The following SPTLC2 variants were observed in gnomAD, a reference collection of about 807,000 sequenced individuals.
SPTLC2 encodes the protein serine palmitoyltransferase long chain base subunit 2, also known as serine palmitoyltransferase 2.
SPTLC2 carries 21 observed loss-of-function variants against 62.0 expected under a neutral mutation model. That is an observed-to-expected ratio of 0.34 (90% CI 0.24 to 0.49). SPTLC2 has a LOEUF of 0.49. SPTLC2 is among the 20% of genes least tolerant of loss of function. SPTLC2 has a pLI of 0.99. For missense variants in SPTLC2, 511 were observed against 713.0 expected (o/e 0.72, Z 3.23); for synonymous variants, 261 against 261.8 (o/e 1.00, Z 0.03).
chr14:77,607,110 T>C (rs1179416304), intron 1 of SPTLC2, among the ~76,000 whole-genome samples: 1 of 152,100 alleles, frequency 6.6e-6, no homozygotes, highest in East Asian at 1.9e-4. Context: ...TGGATGTAAA[T>C]ATAAAAGGAA....
intron 4 of SPTLC2, among the ~76,000 whole-genome samples, chr14:77,575,752 C>G (rs757856871): frequency 1.3e-5 from 2 of 152,178 alleles, no homozygotes; most frequent in Non-Finnish European, 2.9e-5. Flanking sequence ...AGACTGGTCT[C>G]GAACTCCTGG....
chr14:77,531,463 TCCTCCTCCTCCCCCTCCC>T (rs2079439088), intron 9 of SPTLC2, among the ~76,000 whole-genome samples: 1 of 121,194 alleles, frequency 8.3e-6, no homozygotes, highest in African/African-American at 3.6e-5. Context: ...CTCCTCCTCC[TCCTCCTCCTCCCCCTCCC>T]CCTCCTCCTC....
intron 1 of SPTLC2, 81 bp from the exon 2 acceptor site, chr14:77,597,461 G>A: frequency 4.5e-6 from 6 of 1,336,992 alleles, no homozygotes; most frequent in Non-Finnish European, 4.2e-6. Context: ...TTAGAGATTT[G>A]CTGAATTATA....
intron 2 of SPTLC2, among the ~76,000 whole-genome samples, chr14:77,586,474 A>T (rs972905938): frequency 6.6e-6 from 1 of 152,226 alleles, no homozygotes; most frequent in Non-Finnish European, 1.5e-5. Flanking sequence ...TCGAACAAGT[A>T]CTTGTATGTG....
At chr14:77,598,251 G>A (rs1483257823) in intron 1 of SPTLC2, among the ~76,000 whole-genome samples, 1 of 152,036 alleles carries the variant, frequency 6.6e-6, no homozygotes, top group Non-Finnish European at 1.5e-5. Flanking sequence ...TAAAAGAAGG[G>A]GAGCAAGAAG....
chr14:77,588,731 T>C (rs1188569214), intron 2 of SPTLC2, among the ~76,000 whole-genome samples: 2 of 149,688 alleles, frequency 1.3e-5, no homozygotes, highest in Admixed American at 1.3e-4. Context: ...CCAGGCACAG[T>C]GGCTCATGCC....
rs937176632 is a variant in SPTLC2, at chr14:77,507,534, G to C, written c.*4750C>G. 26 of 152,182 alleles carry C rather than the reference G, an allele frequency of 1.7e-4. No individual in the cohort carries two copies. Among genetic ancestry groups the C allele is most frequent in the African/African-American group, 6.0e-4 (25 of 41,428 alleles). The allele number at this position is 152,182 out of a possible 1,614,324, so 9.4% of individuals were successfully genotyped here. On this transcript the variant is annotated 3_prime_UTR_variant, in exon 12 of 12. Transcript: ENST00000216484. ...TTTAGTAGAGATGAGGTTTCGCCAT[G>C]TTGGCCAGACTGTTCTCGAACTCCT...
At chr14:77,567,402 A>G (rs2079651420) in intron 5 of SPTLC2, among the ~76,000 whole-genome samples, 1 of 152,256 alleles carries the variant, frequency 6.6e-6, no homozygotes, top group Admixed American at 6.5e-5. Flanking sequence ...ATTCTAACAA[A>G]TAAGAATCTC....
chr14:77,541,795 G>C (rs2079502090), intron 9 of SPTLC2, among the ~76,000 whole-genome samples: 1 of 152,190 alleles, frequency 6.6e-6, no homozygotes, highest in African/African-American at 2.4e-5. Context: ...AGTGGCTCAA[G>C]ACTGTAATCC....
rs563195348 is a variant in SPTLC2 at position 77,555,207 on chromosome 14, T to C, written c.1176+93A>G. 98 of 1,494,684 alleles carry C rather than the reference T, an allele frequency of 6.6e-5. 1 individual carries two copies. The African/African-American group carries it at 9.6e-4, about 15-fold the overall frequency. 92.6% of individuals were successfully genotyped at this position (1,494,684 alleles called of 1,614,324 possible). A position where few individuals can be genotyped will look rare whatever the true frequency, so the allele number is the denominator to read the frequency against. On this transcript the variant is annotated intron_variant, in intron 8 of 11. Transcript: ENST00000216484. The stretch of plus-strand genomic sequence containing the variant: ...TAAACCAGAGGCAAATTTGCGGACA[T>C]CCCAGTTCAGGGCCCCATCTGCTAG...
Position 77,572,975 on chromosome 14 carries a change from G to C in SPTLC2, c.632-2467C>G, listed in dbSNP as rs114977522. Among the ~76,000 whole-genome samples the C allele has an allele frequency of 3.4e-3, 521 of 152,256 alleles. 5 individuals carry two copies. The highest frequency in any genetic ancestry group is 0.012 in the African/African-American group (493 of 41,542). ...ACTTTCTCTCTACCAGCAATAAAAG[G>C]CTGTTTCACTTTCTTATAATTTGTG... On this transcript the variant is annotated intron_variant, in intron 4 of 11. Coordinates refer to ENST00000216484, the MANE Select transcript of SPTLC2 (RefSeq NM_004863.4).
chr14:77,602,417 G>T (rs1046933401), intron 1 of SPTLC2, among the ~76,000 whole-genome samples: 6 of 152,134 alleles, frequency 3.9e-5, no homozygotes, highest in Non-Finnish European at 1.5e-5. Context: ...AGTCTCCCAA[G>T]TTTGGAGTCA....
chr14:77,584,999 T>C (rs2079773388), intron 2 of SPTLC2, among the ~76,000 whole-genome samples: 1 of 152,210 alleles, frequency 6.6e-6, no homozygotes. Flanking sequence ...CGATTCTATG[T>C]GCCACTGCCT....
rs2079929748 is a variant in SPTLC2 at position 77,610,570 on chromosome 14, G to A, written c.132+5878C>T. On this transcript the variant is annotated intron_variant, in intron 1 of 11. Coordinates refer to ENST00000216484, the MANE Select transcript of SPTLC2 (RefSeq NM_004863.4). ...CTTAGTGCTGGGATTACAGGTATGAGCCACTGTGCCCAGCCCTTAATACCT... is the reference window on the plus strand; with the variant it reads ...CTTAGTGCTGGGATTACAGGTATGAACCACTGTGCCCAGCCCTTAATACCT... Among the ~76,000 whole-genome samples the A allele has an allele frequency of 2.0e-5, 3 of 152,186 alleles. No individual in the cohort carries two copies. The South Asian group carries it at 6.2e-4, about 31-fold the overall frequency.
chr14:77,527,646 A>G (rs2079415700), intron 9 of SPTLC2, among the ~76,000 whole-genome samples: 1 of 152,176 alleles, frequency 6.6e-6, no homozygotes, highest in East Asian at 1.9e-4. Context: ...GAACTACTAT[A>G]TTATTACTGA....
At chr14:77,549,526 C>A (rs1454671549) in intron 9 of SPTLC2, among the ~76,000 whole-genome samples, 3 of 152,156 alleles carry the variant, frequency 2.0e-5, no homozygotes, top group African/African-American at 7.2e-5. Context: ...GCCCAGGTGA[C>A]ATGTGAGTGG....
chr14:77,604,851 A>G (rs2079896519), intron 1 of SPTLC2, among the ~76,000 whole-genome samples: 1 of 148,592 alleles, frequency 6.7e-6, no homozygotes, highest in African/African-American at 2.5e-5. Context: ...TGGGCAAAAA[A>G]GCAAGACTCT....
chr14:77,567,975 G>A (rs1272052457), intron 5 of SPTLC2, among the ~76,000 whole-genome samples: 2 of 151,372 alleles, frequency 1.3e-5, no homozygotes, highest in East Asian at 3.9e-4. Flanking sequence ...TATATTTACT[G>A]GTTTAGCACC....
chr14:77,555,265 TTATCTC>T (rs2079576351), intron 8 of SPTLC2, 29 bp downstream of exon 8: 3 of 1,612,698 alleles, frequency 1.9e-6, no homozygotes, highest in Non-Finnish European at 2.5e-6. Flanking sequence ...GCCAGTGACT[TTATCTC>T]TAATCGCTCA....
Sources: allele counts gnomAD v4.1 joint callset (sites outside exome capture counted in the v4.1 genomes callset), GRCh38; gene constraint gnomAD v4.1.1; transcripts MANE v1.5; gene names NCBI Gene and HGNC (gene_info 2026-07-23, HGNC 2026-07-21).